LRRN3: variants seen among roughly 807,000 people sequenced by gnomAD.
LRRN3 encodes the protein leucine rich repeat neuronal 3.
A neutral mutation model predicts 40.1 loss-of-function variants in LRRN3; 15 were observed. The ratio of observed to expected loss-of-function variants is 0.37; its 90% CI spans 0.25 to 0.58. LRRN3 has a LOEUF of 0.58. LRRN3 is among the 20% of genes least tolerant of loss of function. The pLI, the probability that LRRN3 is intolerant of heterozygous loss-of-function variation, is 0.72. For synonymous variants in LRRN3, 308 were observed against 297.2 expected (o/e 1.04, Z -0.37); for missense variants, 746 against 837.7 (o/e 0.89, Z 1.35).
At chr7:111,121,994 C>T (rs1341846554) in intron 2 of LRRN3, among the ~76,000 whole-genome samples, 2 of 150,724 alleles carry the variant, frequency 1.3e-5, no homozygotes, top group African/African-American at 4.9e-5. Context: ...AAACCAAACA[C>T]CACATGTTCT....
intron 1 of LRRN3, among the ~76,000 whole-genome samples, chr7:111,099,675 T>C (rs1240545693): frequency 6.6e-6 from 1 of 151,604 alleles, no homozygotes; most frequent in Non-Finnish European, 1.5e-5. Flanking sequence ...CACATCAACA[T>C]ACATTTTCTA....
At chr7:111,092,726 C>T (rs899853793) in intron 1 of LRRN3, among the ~76,000 whole-genome samples, 1 of 152,128 alleles carries the variant, frequency 6.6e-6, no homozygotes, top group Non-Finnish European at 1.5e-5. Flanking sequence ...TAAAGGGAAG[C>T]CAGCTACTTA....
chr7:111,122,872 A>G lies in LRRN3; in HGVS notation c.100A>G (p.Thr34Ala), dbSNP rs773711248. ...DKKVDCPRLC[T>A]CEIRPWFTPR... is the part of the protein sequence containing the mutation. ...AAAAGTGGATTGTCCACGGTTATGT[A>G]CGTGTGAAATCAGGCCTTGGTTTAC... The change falls in exon 3 of 3, where the codon ACG becomes GCG. Residue 34 changes from threonine to alanine, a missense_variant. By Grantham distance (58) the Thr-to-Ala change is moderately conservative. Coordinates refer to ENST00000308478, the MANE Select transcript of LRRN3 (RefSeq NM_001099658.2). 1 of 1,613,868 alleles carries G rather than the reference A, an allele frequency of 6.2e-7. No individual in the cohort carries two copies. Among genetic ancestry groups the G allele is most frequent in the African/African-American group, 1.3e-5 (1 of 74,912 alleles).
At chr7:111,100,591 C>G (rs1301226726) in intron 2 of LRRN3, among the ~76,000 whole-genome samples, 1 of 150,712 alleles carries the variant, frequency 6.6e-6, no homozygotes, top group African/African-American at 2.4e-5. Flanking sequence ...TATAATTCAA[C>G]TAATCTAAAA....
intron 2 of LRRN3, among the ~76,000 whole-genome samples, chr7:111,111,113 AATCCAC>A (rs1167478213): frequency 6.6e-6 from 1 of 152,140 alleles, no homozygotes; most frequent in Admixed American, 6.5e-5. Context: ...GCTTTCACCT[AATCCAC>A]ATATGAGATG....
chr7:111,116,421 A>C (rs1452106359), intron 2 of LRRN3, among the ~76,000 whole-genome samples: 1 of 152,198 alleles, frequency 6.6e-6, no homozygotes, highest in Non-Finnish European at 1.5e-5. Flanking sequence ...ATCCACTCTA[A>C]AACCACTCTA....
rs1283357275 is a variant in LRRN3, at chr7:111,121,533, C to T, written c.-358-882C>T. Among the ~76,000 whole-genome samples, 3 of 152,124 alleles carry T rather than the reference C, an allele frequency of 2.0e-5. No homozygotes were observed. The East Asian group carries it at 5.8e-4, about 29-fold the overall frequency. ...TGCAAATCAAAACCACAATGAGATA[C>T]CATCTCACACCAGTTAGAATGGCAA... On this transcript the variant is annotated intron_variant, in intron 2 of 2. Coordinates refer to ENST00000308478, the MANE Select transcript of LRRN3 (RefSeq NM_001099658.2).
At chr7:111,120,162 T>C (rs539717160) in intron 2 of LRRN3, among the ~76,000 whole-genome samples, 2 of 152,310 alleles carry the variant, frequency 1.3e-5, no homozygotes, top group East Asian at 1.9e-4. Flanking sequence ...GACACTGGTA[T>C]AGATTTAAAA....
chr7:111,124,649 C>T lies in LRRN3; in HGVS notation c.1877C>T (p.Thr626Ile). Reference sequence around the variant, plus strand: ...CAAAAAGAGTATGAAAAGAATAATACCACAACACTTATGGCCTGTCTTGGA... The same window carrying T: ...CAAAAAGAGTATGAAAAGAATAATATCACAACACTTATGGCCTGTCTTGGA... Reference protein sequence around the residue: ...PDQKEYEKNNTTTLMACLGGL... With the variant: ...PDQKEYEKNNITTLMACLGGL... Residue 626 changes from threonine to isoleucine, a missense_variant, in exon 3 of 3, where the codon ACC becomes ATC. Thr to Ile is a moderately conservative substitution (Grantham distance 89). Transcript: ENST00000308478. 6.2e-7 allele frequency: 1 copy of T among 1,613,882 alleles called. No individual in the cohort carries two copies. Among genetic ancestry groups the T allele is most frequent in the Admixed American group, 1.7e-5 (1 of 59,968 alleles).
chr7:111,118,572 G>T (rs763820999), intron 2 of LRRN3, among the ~76,000 whole-genome samples: 1 of 151,902 alleles, frequency 6.6e-6, no homozygotes, highest in South Asian at 2.1e-4. Context: ...AAAAAGTGGA[G>T]ATTAATGTAC....
At position 111,123,032 on chromosome 7, in the gene LRRN3, C is replaced by T. The variant is rs1257083358; in HGVS notation, c.260C>T (p.Ser87Phe). The change falls in exon 3 of 3, where the codon TCC becomes TTC. Residue 87 changes from serine (S) to phenylalanine (F), a missense_variant. Ser to Phe is a radical substitution (Grantham distance 155, BLOSUM62 -2). Coordinates refer to ENST00000308478, the MANE Select transcript of LRRN3 (RefSeq NM_001099658.2). The surrounding 1 kb of genome is among the most constrained non-coding windows in gnomAD (Gnocchi z 6.4). ...AACAATATTGCAAAAATTGAATACT[C>T]CACAGACTTTCCAGTAAACCTTACT... ...QTNNIAKIEY[S>F]TDFPVNLTGL... is the part of the protein sequence containing the mutation. 6.2e-7 allele frequency: 1 copy of T among 1,613,848 alleles called. No homozygotes were observed. Among genetic ancestry groups the T allele is most frequent in the South Asian group, 1.1e-5 (1 of 91,078 alleles).
chr7:111,105,776 A>C (rs1798481495), intron 2 of LRRN3, among the ~76,000 whole-genome samples: 1 of 151,946 alleles, frequency 6.6e-6, no homozygotes, highest in Admixed American at 6.6e-5. Flanking sequence ...AAAATCCATA[A>C]AAATATAAAA....
At chr7:111,120,974 A>G (rs183234454) in intron 2 of LRRN3, among the ~76,000 whole-genome samples, 57 of 152,278 alleles carry the variant, frequency 3.7e-4, no homozygotes, top group African/African-American at 1.3e-3. Flanking sequence ...AAGATTTAAA[A>G]GTTGTTTTCC....
Position 111,124,218 on chromosome 7 carries a change from T to G in LRRN3, c.1446T>G (p.Asp482Glu). 10 of 1,614,020 alleles carry G rather than the reference T, an allele frequency of 6.2e-6. No individual in the cohort carries two copies. The highest frequency in any genetic ancestry group is 6.8e-6 in the Non-Finnish European group (8 of 1,179,960). ...ATGTCCATTCTGAGGGAACACTAGA[T>G]ATAAATGGCGTAACTCCCAAAGAAG... ...KFYVHSEGTL[D>E]INGVTPKEGG... Residue 482 changes from aspartate to glutamate, a missense_variant, in exon 3 of 3, where the codon GAT becomes GAG. By Grantham distance (45) the Asp-to-Glu change is conservative. Coordinates refer to ENST00000308478, the MANE Select transcript of LRRN3 (RefSeq NM_001099658.2).
rs138173619 is a variant in LRRN3, at chr7:111,122,663, T to C, written c.-110T>C. ...AAACTTTGTGGTTCTATGGCATTCA[T>C]CATTTGACAAATGCAAGCATCTTCC... On this transcript the variant is annotated 5_prime_UTR_variant, in exon 3 of 3. Transcript: ENST00000308478. 1,541 of 848,876 alleles carry C rather than the reference T, an allele frequency of 1.8e-3. 8 individuals are homozygous for C. Among genetic ancestry groups the C allele is most frequent in the Non-Finnish European group, 1.1e-3 (574 of 536,914 alleles). 52.6% of individuals were successfully genotyped at this position (848,876 alleles called of 1,614,324 possible).
chr7:111,110,304 A>C (rs1386143373), intron 2 of LRRN3, among the ~76,000 whole-genome samples: 1 of 152,226 alleles, frequency 6.6e-6, no homozygotes, highest in Non-Finnish European at 1.5e-5. Flanking sequence ...CAGTCATTAA[A>C]GAAAACCTCA....
At chr7:111,122,290 A>C (rs551914069) in intron 2 of LRRN3, 125 bp from the exon 3 acceptor site, 2 of 152,726 alleles carry the variant, frequency 1.3e-5, no homozygotes, top group Admixed American at 1.3e-4. Flanking sequence ...AAGTACTTAA[A>C]CTCTAAGAAT....
intron 2 of LRRN3, among the ~76,000 whole-genome samples, chr7:111,113,738 C>T (rs1799515230): frequency 6.6e-6 from 1 of 152,112 alleles, no homozygotes; most frequent in Admixed American, 6.5e-5. Flanking sequence ...AACCATTGTA[C>T]TGCAAGGCAC....
rs762758462 is a variant in LRRN3, at chr7:111,123,453, A to G, written c.681A>G (p.Ile227Met). The G allele has an allele frequency of 1.9e-6, 3 of 1,613,444 alleles. No homozygotes were observed. Among genetic ancestry groups the G allele is most frequent in the Admixed American group, 3.3e-5 (2 of 59,860 alleles). Residue 227 changes from isoleucine to methionine, a missense_variant, in exon 3 of 3, where the codon ATA becomes ATG. By Grantham distance (10) the Ile-to-Met change is conservative. Coordinates refer to ENST00000308478, the MANE Select transcript of LRRN3 (RefSeq NM_001099658.2). This position sits in a 1 kb window ranked among gnomAD's most constrained non-coding sequence, Gnocchi z 6.4. ...TAGCTGGTATAAACCTCACAGAAAT[A>G]CCAGATAACGCCTTGGTTGGACTGG... ...LVIAGINLTE[I>M]PDNALVGLEN... is the part of the protein sequence containing the mutation.
Sources: gnomAD v4.1 joint callset for allele counts (sites outside exome capture counted in the v4.1 genomes callset) on GRCh38, gnomAD v4.1.1 for gene constraint, Gnocchi (gnomAD v3.1) non-coding constraint, MANE v1.5 for transcripts, NCBI Gene and HGNC (gene_info 2026-07-23, HGNC 2026-07-21) for gene names.